Variants in KLF12 observed in about 807,000 individuals in gnomAD.
KLF12 encodes Krueppel-like factor 12.
In KLF12, 9 loss-of-function variants were observed where a neutral mutation model predicts 37.8. The ratio of observed to expected loss-of-function variants is 0.24; its 90% CI spans 0.14 to 0.42. The LOEUF (loss-of-function observed/expected upper bound fraction) is 0.42. KLF12 is among the 10% of genes least tolerant of loss of function. The pLI, the probability that KLF12 is intolerant of heterozygous loss-of-function variation, is 1.00. For missense variants in KLF12, 411 were observed against 516.0 expected (o/e 0.80, Z 1.97); for synonymous variants, 208 against 202.1 (o/e 1.03, Z -0.25).
intron 1 of KLF12, among the ~76,000 whole-genome samples, chr13:74,102,313 C>A (rs962779106): frequency 1.3e-5 from 2 of 151,836 alleles, no homozygotes; most frequent in African/African-American, 2.4e-5. Context: ...AAGTGCTTAA[C>A]TCCTGATAGC....
chr13:73,726,020 C>T (rs1305375986), intron 6 of KLF12, among the ~76,000 whole-genome samples: 1 of 152,048 alleles, frequency 6.6e-6, no homozygotes, highest in Non-Finnish European at 1.5e-5. Flanking sequence ...AGGCATGTGC[C>T]ACCATGCCCA....
chr13:74,124,346 T>C (rs1381009071), intron 1 of KLF12, among the ~76,000 whole-genome samples: 3 of 152,244 alleles, frequency 2.0e-5, no homozygotes, highest in Non-Finnish European at 4.4e-5. Flanking sequence ...ACTGCAACTA[T>C]GATCTTCTGC....
intron 2 of KLF12, among the ~76,000 whole-genome samples, chr13:73,973,380 A>C (rs566381809): frequency 1.3e-5 from 2 of 152,290 alleles, no homozygotes; most frequent in South Asian, 4.1e-4. Flanking sequence ...CTTTATACTA[A>C]GTTCAGTATC....
At chr13:74,195,279 T>C in the KLF12 span, among the ~76,000 whole-genome samples, 1 of 152,186 alleles carries the variant, frequency 6.6e-6, no homozygotes, top group African/African-American at 2.4e-5. Flanking sequence ...GTTTATACAA[T>C]CTTTGAGAGG....
chr13:73,994,467 C>A (rs964029421), intron 2 of KLF12, among the ~76,000 whole-genome samples: 4 of 80,888 alleles, frequency 4.9e-5, no homozygotes, highest in Non-Finnish European at 6.9e-5. Flanking sequence ...TTCACAGCGC[C>A]CCCCCCACCA....
chr13:73,874,249 T>G (rs1231837415), intron 3 of KLF12, among the ~76,000 whole-genome samples: 1 of 152,234 alleles, frequency 6.6e-6, no homozygotes, highest in Non-Finnish European at 1.5e-5. Flanking sequence ...TTGCTTTTTA[T>G]GGAGAAAATA....
rs181632679 is a variant in KLF12, at chr13:74,056,025, G to A, written c.-31-60972C>T. On this transcript the variant is annotated intron_variant, in intron 1 of 7. Transcript: ENST00000377669. ...CAACCCAGTTCAGGAAAACATGGGT[G>A]TACCTGAGAACTCAGATGCAGACAC... Among the ~76,000 whole-genome samples, 4 of 152,330 alleles carry A rather than the reference G, an allele frequency of 2.6e-5. No individual in the cohort carries two copies. In the East Asian group the frequency reaches 5.8e-4, roughly 22 times the overall value.
At chr13:74,207,828 G>A in the KLF12 span, among the ~76,000 whole-genome samples, 1 of 152,114 alleles carries the variant, frequency 6.6e-6, no homozygotes, top group Non-Finnish European at 1.5e-5. Context: ...ATCTTATCAT[G>A]ATCTCTTAAT....
At chr13:74,270,326 C>T in the KLF12 span, among the ~76,000 whole-genome samples, 5 of 152,230 alleles carry the variant, frequency 3.3e-5, no homozygotes, top group Non-Finnish European at 1.5e-5. Context: ...TAGGGTTTTG[C>T]AGGATATGGT....
intron 1 of KLF12, among the ~76,000 whole-genome samples, chr13:74,129,221 A>C (rs567860962): frequency 1.3e-5 from 2 of 152,306 alleles, no homozygotes; most frequent in South Asian, 4.1e-4. Flanking sequence ...TCACTTATAC[A>C]ATGTAAATGC....
chr13:73,988,357 G>C (rs1002443964), intron 2 of KLF12, among the ~76,000 whole-genome samples: 2 of 152,156 alleles, frequency 1.3e-5, no homozygotes, highest in African/African-American at 2.4e-5. Flanking sequence ...AATATATTAT[G>C]GCACCAATCA....
At chr13:73,756,175 T>C (rs1352744572) in intron 6 of KLF12, among the ~76,000 whole-genome samples, 2 of 152,186 alleles carry the variant, frequency 1.3e-5, no homozygotes, top group Non-Finnish European at 2.9e-5. Flanking sequence ...ATAAATATTA[T>C]TTATCTTAAA....
intron 1 of KLF12, among the ~76,000 whole-genome samples, chr13:74,078,051 G>C (rs576455553): frequency 6.6e-6 from 1 of 152,218 alleles, no homozygotes; most frequent in African/African-American, 2.4e-5. Flanking sequence ...ATATTGCAGC[G>C]ACTCCATGTG....
At chr13:74,118,934 G>A (rs1239455286) in intron 1 of KLF12, among the ~76,000 whole-genome samples, 1 of 152,086 alleles carries the variant, frequency 6.6e-6, no homozygotes. Flanking sequence ...AGGAGAAAAA[G>A]AAACAAATAA....
chr13:73,861,924 G>C (rs1885947705), intron 3 of KLF12, among the ~76,000 whole-genome samples: 1 of 152,070 alleles, frequency 6.6e-6, no homozygotes, highest in African/African-American at 2.4e-5. Flanking sequence ...AAATTAACTT[G>C]AAGTGTTTAT....
chr13:73,738,123 A>ATGTATGTG (rs1877643061), intron 6 of KLF12, among the ~76,000 whole-genome samples: 1 of 63,550 alleles, frequency 1.6e-5, no homozygotes, highest in Non-Finnish European at 3.0e-5. Flanking sequence ...ATATATATAT[A>ATGTATGTG]TACACACACA....
chr13:74,290,246 G>A, the KLF12 span, among the ~76,000 whole-genome samples: 1 of 152,146 alleles, frequency 6.6e-6, no homozygotes, highest in Non-Finnish European at 1.5e-5. Context: ...AAATAATAAG[G>A]GGGAAAGAAT....
chr13:73,933,419 T>C (rs1394726230), intron 3 of KLF12, among the ~76,000 whole-genome samples: 1 of 152,210 alleles, frequency 6.6e-6, no homozygotes, highest in African/African-American at 2.4e-5. Flanking sequence ...TCTTCTAATT[T>C]CTCTTGATAG....
intron 3 of KLF12, among the ~76,000 whole-genome samples, chr13:73,882,365 A>C (rs1181214114): frequency 1.3e-5 from 2 of 152,226 alleles, no homozygotes; most frequent in African/African-American, 4.8e-5. Context: ...CATATACTGA[A>C]AGAGACAGAC....
Sources: gnomAD v4.1 joint callset for allele counts (sites outside exome capture counted in the v4.1 genomes callset) on GRCh38, gnomAD v4.1.1 for gene constraint, MANE v1.5 for transcripts, NCBI Gene and HGNC (gene_info 2026-07-23, HGNC 2026-07-21) for gene names.